The following FOCAD variants were observed in gnomAD, a reference collection of about 807,000 sequenced individuals.
The protein encoded by FOCAD is focadhesin.
Under a neutral mutation model 225.6 loss-of-function variants are expected in FOCAD, and 198 were observed. The observed-to-expected ratio is 0.88, with a 90% CI of 0.78 to 0.99. FOCAD has a LOEUF of 0.99. Among genes scored for constraint, FOCAD ranks in the 50% least tolerant of loss-of-function variants. FOCAD has a pLI of 0.00. For missense variants in FOCAD, 2,713 were observed against 2,123.6 expected (o/e 1.28, Z -5.46); for synonymous variants, 897 against 755.0 (o/e 1.19, Z -3.08).
chr9:20,769,956 A>G (rs895171567), intron 7 of FOCAD, 76 bp from the exon 8 acceptor site: 4 of 1,361,454 alleles, frequency 2.9e-6, no homozygotes, highest in Non-Finnish European at 4.1e-6. Context: ...TACATTGTTC[A>G]AAGCTTTTTG....
At chr9:20,830,759 C>G (rs1825400336) in intron 15 of FOCAD, among the ~76,000 whole-genome samples, 2 of 151,980 alleles carry the variant, frequency 1.3e-5, no homozygotes, top group African/African-American at 4.8e-5. Flanking sequence ...TCCACAGCAG[C>G]CTTTATCTCT....
At chr9:20,730,931 A>G (rs1305946144) in intron 4 of FOCAD, among the ~76,000 whole-genome samples, 2 of 152,126 alleles carry the variant, frequency 1.3e-5, no homozygotes, top group Non-Finnish European at 2.9e-5. Context: ...ACCCATAACA[A>G]CAAAAAAACT....
intron 28 of FOCAD, among the ~76,000 whole-genome samples, chr9:20,941,338 C>T (rs1564182926): frequency 6.6e-6 from 1 of 152,160 alleles, no homozygotes; most frequent in Non-Finnish European, 1.5e-5. Flanking sequence ...TCATCAATGA[C>T]CCAAGCTTTG....
At chr9:20,943,517 C>T (rs1836876919) in intron 28 of FOCAD, among the ~76,000 whole-genome samples, 1 of 152,104 alleles carries the variant, frequency 6.6e-6, no homozygotes, top group Non-Finnish European at 1.5e-5. Context: ...TTGAGCAAAT[C>T]CTGTAGCCTG....
chr9:20,703,005 T>G (rs1824089391), intron 1 of FOCAD, among the ~76,000 whole-genome samples: 1 of 152,062 alleles, frequency 6.6e-6, no homozygotes, highest in Non-Finnish European at 1.5e-5. Context: ...AGACTCCATC[T>G]CACAAAAAAA....
At chr9:20,976,035 G>T (rs10119897) in intron 35 of FOCAD, among the ~76,000 whole-genome samples, 2,121 of 152,148 alleles carry the variant, frequency 0.014, 51 homozygotes, top group African/African-American at 0.049. Flanking sequence ...AACAGTAATT[G>T]TTATTTCCAA....
chr9:20,853,319 T>C (rs1827854283), intron 15 of FOCAD, among the ~76,000 whole-genome samples: 1 of 151,692 alleles, frequency 6.6e-6, no homozygotes, highest in South Asian at 2.1e-4. Flanking sequence ...GGCTGTTGAG[T>C]AGTGAGTCTC....
At chr9:20,661,140 A>G (rs747733769) in intron 2 of FOCAD, among the ~76,000 whole-genome samples, 14 of 152,214 alleles carry the variant, frequency 9.2e-5, no homozygotes, top group South Asian at 4.1e-4. Context: ...AAATGATGGC[A>G]TTCACTCTGA....
At chr9:20,753,906 G>A (rs535341718) in intron 5 of FOCAD, among the ~76,000 whole-genome samples, 1 of 152,116 alleles carries the variant, frequency 6.6e-6, no homozygotes, top group East Asian at 1.9e-4. Context: ...TGATTCATCA[G>A]CCCATCTATC....
intron 2 of FOCAD, among the ~76,000 whole-genome samples, chr9:20,677,980 A>G (rs1171746123): frequency 1.3e-5 from 2 of 152,212 alleles, no homozygotes; most frequent in African/African-American, 4.8e-5. Context: ...GTGTGTGTGT[A>G]TATGAAGATA....
chr9:20,769,412 A>G (rs561305026), intron 7 of FOCAD, among the ~76,000 whole-genome samples: 4 of 152,248 alleles, frequency 2.6e-5, no homozygotes, highest in African/African-American at 9.6e-5. Flanking sequence ...CTTAATACCA[A>G]CTCCAGAATT....
chr9:20,990,851 C>T (rs995511710), intron 42 of FOCAD, among the ~76,000 whole-genome samples: 2 of 152,180 alleles, frequency 1.3e-5, no homozygotes, highest in African/African-American at 4.8e-5. Context: ...CATCCATCTT[C>T]TTGTAGCATC....
intron 15 of FOCAD, among the ~76,000 whole-genome samples, chr9:20,848,774 G>A (rs1827367342): frequency 6.6e-6 from 1 of 151,882 alleles, no homozygotes. Context: ...ATGTCATGTT[G>A]ATAATCCACT....
intron 35 of FOCAD, among the ~76,000 whole-genome samples, chr9:20,963,388 T>C (rs1370341951): frequency 2.0e-5 from 3 of 152,194 alleles, no homozygotes; most frequent in Non-Finnish European, 2.9e-5. Flanking sequence ...TGGAAAATGG[T>C]CATATTTCAC....
At chr9:20,790,701 G>A (rs1820433280) in intron 11 of FOCAD, among the ~76,000 whole-genome samples, 1 of 152,136 alleles carries the variant, frequency 6.6e-6, no homozygotes, top group East Asian at 1.9e-4. Context: ...AACCCAGGAG[G>A]TGGAGGTTGC....
chr9:20,834,727 C>CA (rs1433973925), intron 15 of FOCAD, among the ~76,000 whole-genome samples: 1 of 151,882 alleles, frequency 6.6e-6, no homozygotes, highest in African/African-American at 2.4e-5. Context: ...GGAGATAGAC[C>CA]AGAAAGGGAC....
chr9:20,957,265 G>T (rs1393160459), intron 35 of FOCAD, among the ~76,000 whole-genome samples: 6 of 129,848 alleles, frequency 4.6e-5, no homozygotes, highest in African/African-American at 1.7e-4. Context: ...AAACAATGTT[G>T]CCTAGTCTGG....
At chr9:20,914,110 A>C (rs2132067273) in intron 23 of FOCAD, among the ~76,000 whole-genome samples, 1 of 152,190 alleles carries the variant, frequency 6.6e-6, no homozygotes, top group African/African-American at 2.4e-5. Flanking sequence ...CCAAAAAAAA[A>C]AAAAAGATAC....
intron 35 of FOCAD, among the ~76,000 whole-genome samples, chr9:20,963,528 T>C (rs1838961900): frequency 6.6e-6 from 1 of 152,184 alleles, no homozygotes; most frequent in African/African-American, 2.4e-5. Flanking sequence ...ATTTTGAAAA[T>C]ACTCAATCTC....
Sources: gnomAD v4.1 joint callset for allele counts (sites outside exome capture counted in the v4.1 genomes callset) on GRCh38, gnomAD v4.1.1 for gene constraint, MANE v1.5 for transcripts, NCBI Gene and HGNC (gene_info 2026-07-23, HGNC 2026-07-21) for gene names.